The following GALNT13 variants were observed in gnomAD, a reference collection of about 807,000 sequenced individuals.
GALNT13 encodes the protein UDP-GalNAc:polypeptide N-acetylgalactosaminyltransferase 13.
Under a neutral mutation model 64.2 loss-of-function variants are expected in GALNT13, and 28 were observed. That is an observed-to-expected ratio of 0.44 (90% CI 0.32 to 0.60). The LOEUF (loss-of-function observed/expected upper bound fraction) is 0.60. Ranked by LOEUF, GALNT13 falls within the 20% of genes least tolerant of loss-of-function variation. GALNT13 has a pLI of 0.05. For synonymous variants in GALNT13, 214 were observed against 224.6 expected (o/e 0.95, Z 0.42); for missense variants, 577 against 669.8 (o/e 0.86, Z 1.53).
At chr2:153,768,676 AAC>A in the GALNT13 span, among the ~76,000 whole-genome samples, 1 of 152,020 alleles carries the variant, frequency 6.6e-6, no homozygotes, top group South Asian at 2.1e-4. Context: ...CAGCCTGGCT[AAC>A]ACACGGTGAA....
the GALNT13 span, among the ~76,000 whole-genome samples, chr2:153,139,927 C>A: frequency 6.6e-6 from 1 of 151,964 alleles, no homozygotes; most frequent in Non-Finnish European, 1.5e-5. Flanking sequence ...TTGGGAAGCT[C>A]TCATAAATAG....
chr2:154,167,940 G>T (rs1191027500), intron 4 of GALNT13, among the ~76,000 whole-genome samples: 1 of 152,164 alleles, frequency 6.6e-6, no homozygotes, highest in Non-Finnish European at 1.5e-5. Context: ...CCAGAGTAAA[G>T]AGTATTTTCA....
chr2:153,125,006 C>A, the GALNT13 span, among the ~76,000 whole-genome samples: 1 of 152,000 alleles, frequency 6.6e-6, no homozygotes, highest in Non-Finnish European at 1.5e-5. Flanking sequence ...AGTAAGATTG[C>A]CAGATTTAGC....
chr2:154,130,472 G>A (rs1279261850), intron 3 of GALNT13, among the ~76,000 whole-genome samples: 1 of 152,096 alleles, frequency 6.6e-6, no homozygotes, highest in Non-Finnish European at 1.5e-5. Context: ...AGTATTTGAG[G>A]TGATCCATTT....
At chr2:153,772,632 A>G in the GALNT13 span, among the ~76,000 whole-genome samples, 1 of 152,242 alleles carries the variant, frequency 6.6e-6, no homozygotes, top group Non-Finnish European at 1.5e-5. Flanking sequence ...GAGACATGCT[A>G]AAAGCCTCTA....
chr2:153,250,071 G>A, the GALNT13 span, among the ~76,000 whole-genome samples: 37 of 152,200 alleles, frequency 2.4e-4, no homozygotes, highest in Admixed American at 1.9e-3. Context: ...TCTGCACAGC[G>A]AAAGAAACTA....
At chr2:153,204,798 C>T in the GALNT13 span, among the ~76,000 whole-genome samples, 1 of 152,070 alleles carries the variant, frequency 6.6e-6, no homozygotes, top group Non-Finnish European at 1.5e-5. Flanking sequence ...AGTCAACTAT[C>T]TATACATGCT....
the GALNT13 span, among the ~76,000 whole-genome samples, chr2:153,629,147 G>T: frequency 5.8e-4 from 88 of 151,894 alleles, no homozygotes; most frequent in African/African-American, 2.1e-3. Context: ...GGTGTTTGTA[G>T]TATTCTCTGA....
At chr2:153,439,554 A>T in the GALNT13 span, among the ~76,000 whole-genome samples, 1 of 152,114 alleles carries the variant, frequency 6.6e-6, no homozygotes, top group East Asian at 1.9e-4. Flanking sequence ...CCCACCTTGC[A>T]GTTTGATCTC....
intron 9 of GALNT13, among the ~76,000 whole-genome samples, chr2:154,349,887 G>A (rs561510181): frequency 6.6e-6 from 1 of 152,244 alleles, no homozygotes; most frequent in Non-Finnish European, 1.5e-5. Context: ...ATGGAAAGCA[G>A]AAGTAGGACC....
At chr2:153,251,295 AATT>A in the GALNT13 span, among the ~76,000 whole-genome samples, 4 of 152,120 alleles carry the variant, frequency 2.6e-5, no homozygotes, top group African/African-American at 9.7e-5. Context: ...TGATATGTTA[AATT>A]ATTGTGTGCT....
At chr2:153,727,929 G>A in the GALNT13 span, among the ~76,000 whole-genome samples, 1 of 152,096 alleles carries the variant, frequency 6.6e-6, no homozygotes, top group Admixed American at 6.5e-5. Context: ...CTGGTGTGAT[G>A]TTCCCCTCCC....
chr2:153,311,501 T>G, the GALNT13 span, among the ~76,000 whole-genome samples: 1 of 152,158 alleles, frequency 6.6e-6, no homozygotes, highest in Non-Finnish European at 1.5e-5. Context: ...ACGGGAACAG[T>G]TTAGCTGAGT....
At chr2:154,309,634 G>C (rs1375950439) in intron 9 of GALNT13, among the ~76,000 whole-genome samples, 1 of 152,070 alleles carries the variant, frequency 6.6e-6, no homozygotes, top group African/African-American at 2.4e-5. Context: ...CCATGAGATG[G>C]CTTTAATCTA....
chr2:154,058,662 A>AG (rs1453538685), intron 3 of GALNT13, among the ~76,000 whole-genome samples: 1 of 152,162 alleles, frequency 6.6e-6, no homozygotes, highest in Non-Finnish European at 1.5e-5. Flanking sequence ...TCCTGGCCCT[A>AG]GGGTGGCATC....
intron 3 of GALNT13, among the ~76,000 whole-genome samples, chr2:154,020,575 A>G (rs200011691): frequency 0.071 from 10,724 of 151,828 alleles, 446 homozygotes; most frequent in Middle Eastern, 0.13. Context: ...AATTTGTTTG[A>G]GTTCATTGTA....
chr2:153,238,643 G>T, the GALNT13 span, among the ~76,000 whole-genome samples: 2 of 151,958 alleles, frequency 1.3e-5, no homozygotes, highest in Non-Finnish European at 2.9e-5. Flanking sequence ...GTTCACTGTA[G>T]GTGTGTAGAT....
chr2:154,221,534 A>G (rs1688323100), intron 4 of GALNT13, among the ~76,000 whole-genome samples: 1 of 152,122 alleles, frequency 6.6e-6, no homozygotes, highest in Non-Finnish European at 1.5e-5. Flanking sequence ...TTTGAGATCT[A>G]AGACAGCAGT....
At chr2:153,474,347 G>A in the GALNT13 span, among the ~76,000 whole-genome samples, 10 of 152,146 alleles carry the variant, frequency 6.6e-5, no homozygotes, top group East Asian at 1.9e-3. Flanking sequence ...TCAGCCCAGT[G>A]TGTCTTTCCC....
Sources: gnomAD v4.1 joint callset for allele counts (sites outside exome capture counted in the v4.1 genomes callset) on GRCh38, gnomAD v4.1.1 for gene constraint, MANE v1.5 for transcripts, NCBI Gene and HGNC (gene_info 2026-07-23, HGNC 2026-07-21) for gene names.